CELF2: variants seen among roughly 807,000 people sequenced by gnomAD.
CELF2 encodes CUG triplet repeat RNA-binding protein 2.
In CELF2, 8 loss-of-function variants were observed where a neutral mutation model predicts 62.6. The observed-to-expected ratio is 0.13, with a 90% CI of 0.07 to 0.23. CELF2 has a LOEUF of 0.23. CELF2 is among the 10% of genes least tolerant of loss of function. The pLI is 1.00. For synonymous variants in CELF2, 258 were observed against 250.0 expected (o/e 1.03, Z -0.30); for missense variants, 333 against 671.0 (o/e 0.50, Z 5.56).
chr10:10,572,034 G>A, the CELF2 span, among the ~76,000 whole-genome samples: 39 of 152,252 alleles, frequency 2.6e-4, no homozygotes, highest in East Asian at 5.6e-3. Flanking sequence ...GAATGTGGCC[G>A]TGGCCATGGA....
chr10:10,718,985 CTT>C, the CELF2 span, among the ~76,000 whole-genome samples: 72 of 125,098 alleles, frequency 5.8e-4, no homozygotes, highest in East Asian at 1.3e-3. Context: ...TTATTATTCT[CTT>C]TTTTTTTTTT....
At chr10:11,202,158 C>A (rs2059362599) in intron 2 of CELF2, among the ~76,000 whole-genome samples, 1 of 152,080 alleles carries the variant, frequency 6.6e-6, no homozygotes, top group African/African-American at 2.4e-5. Context: ...TGGTTTATAT[C>A]AACTACTTGG....
the CELF2 span, among the ~76,000 whole-genome samples, chr10:10,636,032 G>A: frequency 1.3e-5 from 2 of 152,060 alleles, no homozygotes; most frequent in African/African-American, 4.8e-5. Context: ...AGATTATTGG[G>A]CAAAAACATT....
chr10:11,300,838 A>G lies in CELF2; in HGVS notation c.976+12286A>G, dbSNP rs1029034790. 2.6e-5 allele frequency among the ~76,000 whole-genome samples: 4 copies of G among 152,000 alleles called. No homozygotes were observed. The highest frequency in any genetic ancestry group is 7.3e-5 in the African/African-American group (3 of 41,248). ...TGCAGGCGATTTTCTCCGTGTTTACAATGATTTTATTTCCTAAACCACAAA... is the reference window on the plus strand; with the variant it reads ...TGCAGGCGATTTTCTCCGTGTTTACGATGATTTTATTTCCTAAACCACAAA... On this transcript the variant is annotated intron_variant, in intron 9 of 12. Transcript: ENST00000633077. This position sits in a 1 kb window ranked among gnomAD's most constrained non-coding sequence, Gnocchi z 5.5.
intron 5 of CELF2, among the ~76,000 whole-genome samples, chr10:11,259,317 C>G (rs2079746904): frequency 6.6e-6 from 1 of 152,180 alleles, no homozygotes; most frequent in African/African-American, 2.4e-5. Flanking sequence ...AACAAAAGTT[C>G]CCACCTACAA....
chr10:11,141,916 A>G (rs773965649), intron 1 of CELF2, among the ~76,000 whole-genome samples: 3 of 152,250 alleles, frequency 2.0e-5, no homozygotes, highest in African/African-American at 4.8e-5. Context: ...TGCAGCTGAC[A>G]TATTATTAAT....
At chr10:11,132,134 C>G (rs2059723632) in intron 1 of CELF2, among the ~76,000 whole-genome samples, 1 of 152,224 alleles carries the variant, frequency 6.6e-6, no homozygotes, top group African/African-American at 2.4e-5. Flanking sequence ...CCCTTACTTC[C>G]TTCCCTTATG....
chr10:11,005,533 T>C lies in CELF2; in HGVS notation c.53+93T>C. Reference sequence around the variant, plus strand: ...TTATGCTCTGAATCAAGTAGCTTCCTTACCTTAGAAGAGAAGGGGGGAAAA... The same window carrying C: ...TTATGCTCTGAATCAAGTAGCTTCCCTACCTTAGAAGAGAAGGGGGGAAAA... On this transcript the variant is annotated intron_variant, in intron 1 of 12. Coordinates refer to the CELF2 transcript ENST00000416382. The surrounding 1 kb of genome is among the most constrained non-coding windows in gnomAD (Gnocchi z 4.3). The C allele has an allele frequency of 6.3e-7, 1 of 1,585,088 alleles. No individual in the cohort carries two copies. Among genetic ancestry groups the C allele is most frequent in the Non-Finnish European group, 8.7e-7 (1 of 1,155,124 alleles).
At chr10:10,799,311 CT>C (rs1211830244) in intron 1 of CELF2, among the ~76,000 whole-genome samples, 1 of 117,576 alleles carries the variant, frequency 8.5e-6, no homozygotes, top group Non-Finnish European at 2.2e-5. Context: ...AAAACCACCC[CT>C]GTCTCTACTA....
In CELF2 at chr10:11,321,123, C is replaced by T. The variant is rs2095418614; in HGVS notation, c.1097-66C>T. 2 of 1,536,010 alleles carry T rather than the reference C, an allele frequency of 1.3e-6. No individual in the cohort carries two copies. Among genetic ancestry groups the T allele is most frequent in the Non-Finnish European group, 1.8e-6 (2 of 1,110,908 alleles). On this transcript the variant is annotated intron_variant, in intron 10 of 12. Transcript: ENST00000633077. This position sits in a 1 kb window ranked among gnomAD's most constrained non-coding sequence, Gnocchi z 6.2. The stretch of plus-strand genomic sequence containing the variant: ...GTACTGTGTTTAAATGATTCTCTAA[C>T]TTCCTTTGGAAAGCACTAATGAATA...
the CELF2 span, among the ~76,000 whole-genome samples, chr10:10,550,356 G>T: frequency 6.6e-6 from 1 of 152,170 alleles, no homozygotes; most frequent in Non-Finnish European, 1.5e-5. Flanking sequence ...CTCTGGGGTG[G>T]CAGAGAAGGA....
intron 1 of CELF2, among the ~76,000 whole-genome samples, chr10:11,054,503 G>GTGTGTGTGTGTGTGTA: frequency 7.2e-6 from 1 of 138,030 alleles, no homozygotes; most frequent in African/African-American, 3.0e-5. Flanking sequence ...GTGTGTGTGT[G>GTGTGTGTGTGTGTGTA]TGTGTGTGTG....
At position 11,282,079 on chromosome 10, in the gene CELF2, T is replaced by G. The variant is rs533987673; in HGVS notation, c.842-6339T>G. 2.1e-4 allele frequency among the ~76,000 whole-genome samples: 32 copies of G among 152,312 alleles called. 1 individual carries two copies. The highest frequency in any genetic ancestry group is 7.5e-4 in the African/African-American group (31 of 41,568). On this transcript the variant is annotated intron_variant, in intron 8 of 12. Coordinates refer to ENST00000633077, the MANE Select transcript of CELF2 (RefSeq NM_001326342.2). Reference sequence around the variant, plus strand: ...GGACCTGGGGGGTAGAGTTAACTTCTGGGCCCCTGTCACATTGCCTTTCGA... The same window carrying G: ...GGACCTGGGGGGTAGAGTTAACTTCGGGGCCCCTGTCACATTGCCTTTCGA...
chr10:11,103,535 G>C (rs1208180652), intron 1 of CELF2, among the ~76,000 whole-genome samples: 1 of 110,662 alleles, frequency 9.0e-6, no homozygotes, highest in Non-Finnish European at 1.7e-5. Context: ...CAGGTTATTT[G>C]ACTTCTCTGA....
chr10:10,979,799 G>T (rs1378277780), intron 2 of CELF2, among the ~76,000 whole-genome samples: 2 of 152,106 alleles, frequency 1.3e-5, no homozygotes, highest in Non-Finnish European at 2.9e-5. Context: ...GAACATAGCT[G>T]GTAAAACATC....
the CELF2 span, among the ~76,000 whole-genome samples, chr10:10,495,786 T>C: frequency 6.6e-6 from 1 of 152,138 alleles, no homozygotes; most frequent in African/African-American, 2.4e-5. Context: ...TCTACAATGA[T>C]CCCTTCTGTT....
Position 11,300,268 on chromosome 10 carries a change from A to G in CELF2, c.976+11716A>G, listed in dbSNP as rs2140120159. ...CCTTCCACATGTGTGCCACCGTACA[A>G]TAAAGCCTCAGCAGTCGTTCTGAGT... On this transcript the variant is annotated intron_variant, in intron 9 of 12. Coordinates refer to ENST00000633077, the MANE Select transcript of CELF2 (RefSeq NM_001326342.2). The surrounding 1 kb of genome is among the most constrained non-coding windows in gnomAD (Gnocchi z 5.5). 6.6e-6 allele frequency among the ~76,000 whole-genome samples: 1 copy of G among 152,334 alleles called. No homozygotes were observed. Among genetic ancestry groups the G allele is most frequent in the Middle Eastern group, 3.4e-3 (1 of 294 alleles).
chr10:10,647,079 ATTCTGAT>A, the CELF2 span, among the ~76,000 whole-genome samples: 1 of 152,106 alleles, frequency 6.6e-6, no homozygotes, highest in Non-Finnish European at 1.5e-5. Context: ...CTTGGACTTA[ATTCTGAT>A]TTCTGAGCAT....
chr10:10,911,894 G>A (rs1165848424), intron 1 of CELF2, among the ~76,000 whole-genome samples: 1 of 152,200 alleles, frequency 6.6e-6, no homozygotes, highest in Non-Finnish European at 1.5e-5. Context: ...GATCTGAGAG[G>A]CTGGCCTCTG....
Sources: allele counts gnomAD v4.1 joint callset (sites outside exome capture counted in the v4.1 genomes callset), GRCh38; gene constraint gnomAD v4.1.1; non-coding constraint Gnocchi (gnomAD v3.1); transcripts MANE v1.5; gene names NCBI Gene and HGNC (gene_info 2026-07-23, HGNC 2026-07-21).